Variants in HECW1 observed in about 807,000 individuals in gnomAD.
HECW1 encodes E3 ubiquitin-protein ligase HECW1.
Under a neutral mutation model 182.3 loss-of-function variants are expected in HECW1, and 61 were observed. The observed-to-expected ratio is 0.33, with a 90% CI of 0.27 to 0.41. The LOEUF (loss-of-function observed/expected upper bound fraction) is 0.41. Among genes scored for constraint, HECW1 ranks in the 10% least tolerant of loss-of-function variants. HECW1 has a pLI of 1.00. For missense variants in HECW1, 1,739 were observed against 2,108.9 expected (o/e 0.82, Z 3.44); for synonymous variants, 859 against 832.6 (o/e 1.03, Z -0.55).
chr7:43,176,722 G>A (rs142466384), intron 2 of HECW1, among the ~76,000 whole-genome samples: 5 of 152,304 alleles, frequency 3.3e-5, no homozygotes, highest in South Asian at 2.1e-4. Context: ...ATCATCTCCC[G>A]AAGGTCTCAC....
chr7:43,348,759 G>C (rs759066629), intron 5 of HECW1, among the ~76,000 whole-genome samples: 1 of 152,050 alleles, frequency 6.6e-6, no homozygotes, highest in Admixed American at 6.6e-5. Context: ...TCTTGATTTC[G>C]TTTTTGACCA....
At chr7:43,153,171 T>C (rs1006518532) in intron 2 of HECW1, among the ~76,000 whole-genome samples, 6 of 152,190 alleles carry the variant, frequency 3.9e-5, no homozygotes, top group Non-Finnish European at 8.8e-5. Flanking sequence ...TTTGCATTTT[T>C]TTTTAAAACC....
At chr7:43,392,478 C>T (rs2075072429) in intron 6 of HECW1, among the ~76,000 whole-genome samples, 1 of 152,188 alleles carries the variant, frequency 6.6e-6, no homozygotes, top group Non-Finnish European at 1.5e-5. Context: ...CAAATACATG[C>T]TCATTTGGCA....
At chr7:43,314,377 T>C (rs1469310202) in intron 4 of HECW1, among the ~76,000 whole-genome samples, 1 of 152,144 alleles carries the variant, frequency 6.6e-6, no homozygotes, top group Non-Finnish European at 1.5e-5. Flanking sequence ...ATAAGCTCAC[T>C]CTAGTGTTGT....
chr7:43,508,935 G>A (rs773203111), intron 23 of HECW1, 34 bp from the exon 24 acceptor site: 14 of 1,608,706 alleles, frequency 8.7e-6, no homozygotes, highest in Non-Finnish European at 1.2e-5. Flanking sequence ...TCCGGGCACA[G>A]AATGAGCTTC....
At chr7:43,531,356 A>G (rs2080979908) in intron 24 of HECW1, among the ~76,000 whole-genome samples, 1 of 152,172 alleles carries the variant, frequency 6.6e-6, no homozygotes, top group Non-Finnish European at 1.5e-5. Context: ...GTGATGAGAT[A>G]CTGCATTGCT....
intron 17 of HECW1, among the ~76,000 whole-genome samples, chr7:43,480,684 CATAT>C (rs33937309): frequency 3.4e-5 from 5 of 146,718 alleles, no homozygotes; most frequent in South Asian, 2.2e-4. Context: ...CATATATACG[CATAT>C]ATATATATAC....
At chr7:43,383,740 C>T (rs907210442) in intron 6 of HECW1, among the ~76,000 whole-genome samples, 73 of 152,098 alleles carry the variant, frequency 4.8e-4, no homozygotes, top group African/African-American at 1.7e-3. Context: ...CTTCCAATCC[C>T]CCATGCAGTC....
chr7:43,346,153 T>G (rs961011388), intron 5 of HECW1, among the ~76,000 whole-genome samples: 9 of 152,118 alleles, frequency 5.9e-5, no homozygotes, highest in African/African-American at 2.2e-4. Flanking sequence ...CACGCCAACA[T>G]CTACTGTTTT....
intron 16 of HECW1, among the ~76,000 whole-genome samples, chr7:43,469,369 T>A (rs1423076686): frequency 6.6e-6 from 1 of 152,222 alleles, no homozygotes; most frequent in Non-Finnish European, 1.5e-5. Flanking sequence ...GACATTGCTA[T>A]GTGTTCCCTG....
rs532316748 is a variant in HECW1, at chr7:43,248,397, C to T, written c.27+4465C>T. Among the ~76,000 whole-genome samples the T allele has an allele frequency of 2.0e-5, 3 of 152,274 alleles. No homozygotes were observed. In the East Asian group the frequency reaches 5.8e-4, roughly 29 times the overall value. On this transcript the variant is annotated intron_variant, in intron 3 of 29. Coordinates refer to ENST00000395891, the MANE Select transcript of HECW1 (RefSeq NM_015052.5). Reference sequence around the variant, plus strand: ...TCCTGAGGTTCCCTACACCATACCCCGCCCCACCACATCCTTCATCTAGAC... The same window carrying T: ...TCCTGAGGTTCCCTACACCATACCCTGCCCCACCACATCCTTCATCTAGAC...
chr7:43,301,761 G>A (rs1175617040), intron 3 of HECW1, among the ~76,000 whole-genome samples: 1 of 151,852 alleles, frequency 6.6e-6, no homozygotes, highest in East Asian at 1.9e-4. Context: ...TGTAATCCCA[G>A]CTACTCGGGA....
intron 6 of HECW1, among the ~76,000 whole-genome samples, chr7:43,374,908 A>T (rs2074264945): frequency 6.6e-6 from 1 of 152,106 alleles, no homozygotes; most frequent in Non-Finnish European, 1.5e-5. Context: ...GCTGGAATTG[A>T]TATAATAAAA....
chr7:43,348,357 A>G (rs555429002), intron 5 of HECW1, among the ~76,000 whole-genome samples: 9 of 152,214 alleles, frequency 5.9e-5, no homozygotes, highest in African/African-American at 1.9e-4. Context: ...ATCAGTTGTA[A>G]TATCTCCTGT....
At chr7:43,135,448 C>T (rs1787421025) in intron 2 of HECW1, among the ~76,000 whole-genome samples, 1 of 152,158 alleles carries the variant, frequency 6.6e-6, no homozygotes, top group Non-Finnish European at 1.5e-5. Context: ...CTAAAAAAAA[C>T]AGTCTGGGGT....
intron 3 of HECW1, among the ~76,000 whole-genome samples, chr7:43,263,791 A>T (rs1364235807): frequency 1.3e-5 from 2 of 152,210 alleles, no homozygotes; most frequent in East Asian, 3.8e-4. Context: ...AAGAGAAAGA[A>T]GAAGAGGCTG....
Position 43,444,507 on chromosome 7 carries a change from G to A in HECW1, c.1335G>A (p.Val445=), listed in dbSNP as rs1395138607. The A allele has an allele frequency of 1.9e-6, 3 of 1,611,834 alleles. No individual in the cohort carries two copies. The highest frequency in any genetic ancestry group is 1.1e-5 in the South Asian group (1 of 90,736). Residue 445 remains valine, a synonymous_variant, in exon 11 of 30, where the codon GTG becomes GTA. Coordinates refer to ENST00000395891, the MANE Select transcript of HECW1 (RefSeq NM_015052.5). This position sits in a 1 kb window ranked among gnomAD's most constrained non-coding sequence, Gnocchi z 4.3. The part of the protein sequence containing the change: ...PEGAGELLAQ[V]QKDIQPAPSA... ...GGGCTGGGGAGCTCCTGGCCCAGGT[G>A]CAAAAGGACATCCAGCCTGCCCCCA... is the stretch of plus-strand genomic sequence containing the variant.
chr7:43,231,448 A>G (rs1377920713), intron 2 of HECW1, among the ~76,000 whole-genome samples: 2 of 152,162 alleles, frequency 1.3e-5, no homozygotes, highest in Non-Finnish European at 2.9e-5. Flanking sequence ...TCCTCAAACT[A>G]TTGGATGCCA....
chr7:43,287,993 C>T (rs1323134137), intron 3 of HECW1, among the ~76,000 whole-genome samples: 3 of 152,046 alleles, frequency 2.0e-5, no homozygotes, highest in Non-Finnish European at 4.4e-5. Context: ...TGGAGGTGGG[C>T]TTGAGATGCA....
Sources: allele counts gnomAD v4.1 joint callset (sites outside exome capture counted in the v4.1 genomes callset), GRCh38; gene constraint gnomAD v4.1.1; non-coding constraint Gnocchi (gnomAD v3.1); transcripts MANE v1.5; gene names NCBI Gene and HGNC (gene_info 2026-07-23, HGNC 2026-07-21).